The following CDC42BPA variants were observed in gnomAD, a reference collection of about 807,000 sequenced individuals.
CDC42BPA encodes serine/threonine-protein kinase MRCK alpha.
CDC42BPA carries 80 observed loss-of-function variants against 223.5 expected under a neutral mutation model. That is an observed-to-expected ratio of 0.36 (90% CI 0.30 to 0.43). The LOEUF is 0.43. CDC42BPA is among the 20% of genes least tolerant of loss of function. The pLI is 1.00. For missense variants in CDC42BPA, 1,743 were observed against 2,099.9 expected, an observed-to-expected ratio of 0.83 and a Z score of 3.32; for synonymous variants, 694 against 718.6, an observed-to-expected ratio of 0.97 and a Z score of 0.55.
intron 2 of CDC42BPA, among the ~76,000 whole-genome samples, chr1:227,221,294 A>G (rs1675854974): frequency 6.6e-6 from 1 of 152,118 alleles, no homozygotes; most frequent in Non-Finnish European, 1.5e-5. Context: ...TATCTATTCC[A>G]AAGCCTCAGT....
rs1281173787 is a variant in CDC42BPA at position 227,163,742 on chromosome 1, A to ATAT, written c.600-3107_600-3106insATA. 3.6e-3 allele frequency among the ~76,000 whole-genome samples: 520 copies of ATAT among 142,676 alleles called. 2 individuals are homozygous for ATAT. Among genetic ancestry groups the ATAT allele is most frequent in the African/African-American group, 0.013 (500 of 39,992 alleles). 93.6% of individuals were successfully genotyped at this position (142,676 alleles called of 152,430 possible). Reference sequence around the variant, plus strand: ...GTCCTTCTTATTTGTAAAAAAAAAAAATATATATATATATAAAATACTAAT... The same window carrying ATAT: ...GTCCTTCTTATTTGTAAAAAAAAAAATATATATATATATATATAAAATACTAAT... On this transcript the variant is annotated intron_variant, in intron 5 of 36. Transcript: ENST00000366766.
chr1:227,213,010 A>T, intron 3 of CDC42BPA, 126 bp downstream of exon 3: 1 of 519,374 alleles, frequency 1.9e-6, no homozygotes, highest in East Asian at 3.3e-5. Context: ...TTTGTCTTTT[A>T]TGCCTTAAAA....
In CDC42BPA at chr1:227,233,004, T is replaced by A. The variant is rs556924769; in HGVS notation, c.271-19785A>T. On this transcript the variant is annotated intron_variant, in intron 2 of 36. Transcript: ENST00000366766. ...CTCTCTGCCACCTTGCAGTTCGATC[T>A]CAGACTGCTGTGCTAGCAGTGAGCG... Among the ~76,000 whole-genome samples, 35 of 152,296 alleles carry A rather than the reference T, an allele frequency of 2.3e-4. 1 individual carries two copies. The highest frequency in any genetic ancestry group is 2.1e-3 in the Admixed American group (32 of 15,302).
At position 227,250,125 on chromosome 1, in the gene CDC42BPA, G is replaced by A. The variant is rs568387653; in HGVS notation, c.270+3939C>T. Among the ~76,000 whole-genome samples the A allele has an allele frequency of 8.5e-5, 13 of 152,192 alleles. No homozygotes were observed. In the East Asian group the frequency reaches 2.3e-3, roughly 27 times the overall value. ...TGCAATTATTAAGCATTGCATGCCT[G>A]TACCAAAATATCTCACGTACTCCAT... is the stretch of plus-strand genomic sequence containing the variant. On this transcript the variant is annotated intron_variant, in intron 2 of 36. Coordinates refer to ENST00000366766, the MANE Select transcript of CDC42BPA (RefSeq NM_001394014.1).
At chr1:227,187,593 G>T (rs1668996771) in intron 5 of CDC42BPA, among the ~76,000 whole-genome samples, 1 of 148,068 alleles carries the variant, frequency 6.8e-6, no homozygotes, top group Non-Finnish European at 1.5e-5. Context: ...AAGCAATAAT[G>T]TCTGATAATT....
chr1:227,043,278 T>C (rs1049112006), intron 23 of CDC42BPA, among the ~76,000 whole-genome samples: 7 of 152,038 alleles, frequency 4.6e-5, no homozygotes, highest in Admixed American at 2.0e-4. Context: ...CTGGGCATGG[T>C]GGCATGCGCC....
intron 2 of CDC42BPA, among the ~76,000 whole-genome samples, chr1:227,253,706 G>T (rs1361799409): frequency 1.3e-5 from 2 of 151,980 alleles, no homozygotes; most frequent in Admixed American, 6.6e-5. Context: ...GGGAGAGGGG[G>T]AGAAAAAGGA....
chr1:227,294,965 T>C (rs1478434262), intron 1 of CDC42BPA, among the ~76,000 whole-genome samples: 1 of 150,160 alleles, frequency 6.7e-6, no homozygotes, highest in Non-Finnish European at 1.5e-5. Flanking sequence ...ACCAGAAATG[T>C]TCCTATGTAG....
rs542471841 is a variant in CDC42BPA, at chr1:227,168,621, G to A, written c.600-7985C>T. Among the ~76,000 whole-genome samples the A allele has an allele frequency of 6.0e-5, 9 of 149,872 alleles. No homozygotes were observed. The East Asian group carries it at 1.8e-3, about 30-fold the overall frequency. ...CGCCATTCTCCTGCCTCAGCCTCCC[G>A]AGTAGCTGGGACTACAGGCGCCTGC... On this transcript the variant is annotated intron_variant, in intron 5 of 36. Coordinates refer to ENST00000366766, the MANE Select transcript of CDC42BPA (RefSeq NM_001394014.1).
intron 15 of CDC42BPA, among the ~76,000 whole-genome samples, chr1:227,097,174 A>AACAC: frequency 6.6e-6 from 1 of 151,734 alleles, no homozygotes; most frequent in South Asian, 2.1e-4. Flanking sequence ...TCCATCTTAA[A>AACAC]ACACACACAC....
chr1:227,041,883 G>GT (rs1671448556), intron 23 of CDC42BPA, among the ~76,000 whole-genome samples: 1 of 152,174 alleles, frequency 6.6e-6, no homozygotes, highest in Non-Finnish European at 1.5e-5. Flanking sequence ...CACTGTACCA[G>GT]TACTTTACAT....
At chr1:227,138,421 T>C (rs1297197474) in intron 10 of CDC42BPA, among the ~76,000 whole-genome samples, 1 of 144,158 alleles carries the variant, frequency 6.9e-6, no homozygotes, top group Non-Finnish European at 1.5e-5. Context: ...GAGAATATTC[T>C]AACATTCAAA....
rs927609045 is a variant in CDC42BPA at position 227,220,944 on chromosome 1, C to A, written c.271-7725G>T. ...TGATACCACATCCCTTTCCACAACA[C>A]ATTTCTCCAAAAAGCACATTTTGAA... On this transcript the variant is annotated intron_variant, in intron 2 of 36. Transcript: ENST00000366766. Among the ~76,000 whole-genome samples the A allele has an allele frequency of 3.9e-5, 6 of 152,200 alleles. No individual in the cohort carries two copies. The East Asian group carries it at 5.8e-4, about 15-fold the overall frequency.
At chr1:227,234,242 AAACTGT>A (rs1351641737) in intron 2 of CDC42BPA, 2 of 152,130 alleles carry the variant, frequency 1.3e-5, no homozygotes, top group Non-Finnish European at 2.9e-5. Context: ...CCCTGCAGAT[AAACTGT>A]TGAGTCTCCA....
At chr1:227,179,894 C>A (rs1667652965) in intron 5 of CDC42BPA, among the ~76,000 whole-genome samples, 1 of 151,818 alleles carries the variant, frequency 6.6e-6, no homozygotes, top group African/African-American at 2.4e-5. Flanking sequence ...AAAAGTTCAC[C>A]ATTTTTAGAT....
At chr1:227,106,811 T>G (rs1686019183) in intron 14 of CDC42BPA, among the ~76,000 whole-genome samples, 1 of 152,224 alleles carries the variant, frequency 6.6e-6, no homozygotes, top group Non-Finnish European at 1.5e-5. Flanking sequence ...AAAACATCTG[T>G]AGAAACTATT....
intron 30 of CDC42BPA, among the ~76,000 whole-genome samples, chr1:227,028,279 T>C (rs1297126247): frequency 6.6e-6 from 1 of 152,204 alleles, no homozygotes. Flanking sequence ...CCTGATTAAA[T>C]AACTCACTTA....
chr1:227,107,713 G>A (rs1167949521), intron 14 of CDC42BPA, among the ~76,000 whole-genome samples: 1 of 152,186 alleles, frequency 6.6e-6, no homozygotes, highest in Non-Finnish European at 1.5e-5. Flanking sequence ...GAGTGGGGTT[G>A]TGGAGTGCAG....
intron 14 of CDC42BPA, among the ~76,000 whole-genome samples, chr1:227,105,963 T>A (rs922214280): frequency 1.3e-5 from 2 of 152,048 alleles, no homozygotes; most frequent in African/African-American, 4.8e-5. Flanking sequence ...TACCTAGGAG[T>A]GGAATGGCTG....
Sources: allele counts gnomAD v4.1 joint callset (sites outside exome capture counted in the v4.1 genomes callset), GRCh38; gene constraint gnomAD v4.1.1; transcripts MANE v1.5; gene names NCBI Gene and HGNC (gene_info 2026-07-23, HGNC 2026-07-21).